The following LDHC variants were observed in gnomAD, a reference collection of about 807,000 sequenced individuals.
LDHC encodes lactate dehydrogenase C, also known as L-lactate dehydrogenase C chain.
In LDHC, 20 loss-of-function variants were observed where a neutral mutation model predicts 30.2. The observed-to-expected ratio is 0.66, with a 90% CI of 0.47 to 0.96. LDHC has a LOEUF of 0.96. Among genes scored for constraint, LDHC ranks in the 40% least tolerant of loss-of-function variants. The pLI, the probability that LDHC is intolerant of heterozygous loss-of-function variation, is 0.00. For missense variants in LDHC, 362 were observed against 394.9 expected (o/e 0.92, Z 0.71); for synonymous variants, 139 against 132.7 (o/e 1.05, Z -0.32).
At chr11:18,437,730 C>T (rs553065782) in intron 5 of LDHC, among the ~76,000 whole-genome samples, 45 of 134,732 alleles carry the variant, frequency 3.3e-4, no homozygotes, top group Admixed American at 3.2e-3. Flanking sequence ...CTAGCCTGGG[C>T]GACAGAGCAA....
Position 18,449,428 on chromosome 11 carries a change from T to TAAAAAAAAAA in LDHC, c.835-1511_835-1502dup. Among the ~76,000 whole-genome samples, 100 of 48,448 alleles carry TAAAAAAAAAA rather than the reference T, an allele frequency of 2.1e-3. 9 individuals are homozygous for TAAAAAAAAAA. Among genetic ancestry groups the TAAAAAAAAAA allele is most frequent in the African/African-American group, 3.2e-3 (38 of 12,004 alleles). 31.8% of individuals were successfully genotyped at this position (48,448 alleles called of 152,430 possible). ...GGTGACACAGCGAGACACTGTCTCC[T>TAAAAAAAAAA]AAAAAAAAAAAAAAAAAAAAAAAAA... On this transcript the variant is annotated intron_variant, in intron 7 of 7. Transcript: ENST00000541669.
chr11:18,451,130 T>C lies in LDHC; in HGVS notation c.*3T>C, dbSNP rs2133851380. ...TTCAAAAGGATCTAATATTTTAAATTAAAGCCTTCTAATGTTCCACTGTTT... is the reference window on the plus strand; with the variant it reads ...TTCAAAAGGATCTAATATTTTAAATCAAAGCCTTCTAATGTTCCACTGTTT... On this transcript the variant is annotated 3_prime_UTR_variant, in exon 8 of 8. Transcript: ENST00000541669. 4 of 1,480,162 alleles carry C rather than the reference T, an allele frequency of 2.7e-6. No individual in the cohort carries two copies. In the East Asian group the frequency reaches 1.0e-4, roughly 38 times the overall value. The allele number at this position is 1,480,162 out of a possible 1,614,324, so 91.7% of individuals were successfully genotyped here. A position where few individuals can be genotyped will look rare whatever the true frequency, so the allele number is the denominator to read the frequency against.
rs370079739 is a variant in LDHC at position 18,415,243 on chromosome 11, G to A, written c.186G>A (p.Met62Ile). The A allele has an allele frequency of 6.2e-7, 1 of 1,611,074 alleles. No individual in the cohort carries two copies. The highest frequency in any genetic ancestry group is 1.7e-5 in the Admixed American group (1 of 59,948). The change falls in exon 3 of 8, where the codon ATG (methionine) becomes ATA (isoleucine). Residue 62 changes from methionine (M) to isoleucine (I), a missense_variant. Physicochemically the swap from Met to Ile is conservative, Grantham distance 10. Transcript: ENST00000541669. ...CATTGGACAAACTGAAGGGAGAAAT[G>A]ATGGATCTTCAGCATGGCAGTCTTT... ...DVALDKLKGE[M>I]MDLQHGSLFF...
chr11:18,414,353 G>A (rs1415015375), intron 2 of LDHC, among the ~76,000 whole-genome samples: 1 of 152,120 alleles, frequency 6.6e-6, no homozygotes, highest in East Asian at 1.9e-4. Flanking sequence ...TAATTGTACT[G>A]CACTGAAACA....
At chr11:18,423,363 C>T (rs1848101295) in intron 3 of LDHC, among the ~76,000 whole-genome samples, 2 of 152,110 alleles carry the variant, frequency 1.3e-5, no homozygotes, top group South Asian at 4.1e-4. Flanking sequence ...CAAGCTAATT[C>T]AAGACTTATT....
rs190983408 is a variant in LDHC at position 18,433,648 on chromosome 11, G to A, written c.419-1092G>A. Among the ~76,000 whole-genome samples, 10 of 152,282 alleles carry A rather than the reference G, an allele frequency of 6.6e-5. No homozygotes were observed. In the East Asian group the frequency reaches 1.5e-3, roughly 23 times the overall value. On this transcript the variant is annotated intron_variant, in intron 4 of 7. Transcript: ENST00000541669. ...GCCACAATCCTTTCTAGGTTGTAGG[G>A]TTTCTGCTGAGAAATCTGCTATTAA... is the stretch of plus-strand genomic sequence containing the variant.
chr11:18,413,334 C>T (rs1866936054), intron 2 of LDHC, among the ~76,000 whole-genome samples: 1 of 152,064 alleles, frequency 6.6e-6, no homozygotes, highest in African/African-American at 2.4e-5. Flanking sequence ...CCGCCTGCCT[C>T]GGCCTCCCAG....
intron 4 of LDHC, among the ~76,000 whole-genome samples, chr11:18,430,416 C>T (rs1242686990): frequency 6.6e-6 from 1 of 151,950 alleles, no homozygotes; most frequent in African/African-American, 2.4e-5. Flanking sequence ...GTAATCTTGA[C>T]TCACTGTAAC....
In LDHC at chr11:18,435,000, A is replaced by G. The variant is rs917602427; in HGVS notation, c.592+87A>G. The stretch of plus-strand genomic sequence containing the variant: ...CTTTAAAGTTTTTTCCCTGATATTA[A>G]TATAGTTGTATAAGTTTAATTTTTT... On this transcript the variant is annotated intron_variant, in intron 5 of 7. Transcript: ENST00000541669. 17 of 842,244 alleles carry G rather than the reference A, an allele frequency of 2.0e-5. 1 individual carries two copies. In the South Asian group the frequency reaches 2.6e-4, roughly 13 times the overall value. 52.2% of individuals were successfully genotyped at this position (842,244 alleles called of 1,614,324 possible). A position where few individuals can be genotyped will look rare whatever the true frequency, so the allele number is the denominator to read the frequency against.
chr11:18,432,323 G>A (rs1055792782), intron 4 of LDHC, among the ~76,000 whole-genome samples: 2 of 152,182 alleles, frequency 1.3e-5, no homozygotes, highest in Non-Finnish European at 2.9e-5. Flanking sequence ...TGTGGTCTGA[G>A]AGTGCTTGAT....
At chr11:18,435,879 C>A (rs2134063626) in intron 5 of LDHC, among the ~76,000 whole-genome samples, 1 of 152,318 alleles carries the variant, frequency 6.6e-6, no homozygotes, top group Middle Eastern at 3.4e-3. Context: ...TGAGGCCACA[C>A]CAACCTCTCT....
intron 7 of LDHC, among the ~76,000 whole-genome samples, chr11:18,447,381 T>C (rs1212893813): frequency 6.6e-6 from 1 of 152,070 alleles, no homozygotes; most frequent in Non-Finnish European, 1.5e-5. Context: ...GTAATCTGCC[T>C]GCCTCAGCCT....
intron 6 of LDHC, among the ~76,000 whole-genome samples, chr11:18,442,426 G>A (rs1254235048): frequency 3.9e-5 from 6 of 152,058 alleles, no homozygotes; most frequent in Non-Finnish European, 7.4e-5. Context: ...ATTCTTCAGA[G>A]TTCATTTGAC....
intron 6 of LDHC, among the ~76,000 whole-genome samples, chr11:18,443,934 A>G (rs370448600): frequency 2.0e-5 from 3 of 152,298 alleles, no homozygotes; most frequent in East Asian, 3.9e-4. Flanking sequence ...TTGCCTCTTG[A>G]TCATTTAGCA....
chr11:18,414,768 C>T (rs966658347), intron 2 of LDHC, among the ~76,000 whole-genome samples: 4 of 152,124 alleles, frequency 2.6e-5, no homozygotes, highest in Non-Finnish European at 4.4e-5. Context: ...ACGGAGGTTG[C>T]AGTGCCCGAG....
intron 2 of LDHC, among the ~76,000 whole-genome samples, chr11:18,413,406 CT>C (rs1866937803): frequency 6.7e-6 from 1 of 149,694 alleles, no homozygotes; most frequent in African/African-American, 2.5e-5. Context: ...GTTTTTAACC[CT>C]TGTGCCCTCC....
intron 7 of LDHC, 87 bp from the exon 8 acceptor site, chr11:18,450,876 C>T: frequency 4.1e-6 from 4 of 977,576 alleles, no homozygotes; most frequent in Middle Eastern, 2.4e-4. Context: ...GCTTTAGTCT[C>T]TCCTGTATAC....
chr11:18,434,554 A>C (rs1848322988), intron 4 of LDHC, among the ~76,000 whole-genome samples, 186 bp from the exon 5 acceptor site: 1 of 152,132 alleles, frequency 6.6e-6, no homozygotes, highest in African/African-American at 2.4e-5. Flanking sequence ...CAAGTGATCC[A>C]CCTACCTAAG....
intron 3 of LDHC, among the ~76,000 whole-genome samples, chr11:18,421,485 C>G (rs1371559057): frequency 6.6e-6 from 1 of 151,932 alleles, no homozygotes; most frequent in Non-Finnish European, 1.5e-5. Context: ...CCAGCGTGGC[C>G]AACCTGGTGA....
Sources: gnomAD v4.1 joint callset for allele counts (sites outside exome capture counted in the v4.1 genomes callset) on GRCh38, gnomAD v4.1.1 for gene constraint, MANE v1.5 for transcripts, NCBI Gene and HGNC (gene_info 2026-07-23, HGNC 2026-07-21) for gene names.